Variants in SFSWAP observed in about 807,000 individuals in gnomAD.
SFSWAP encodes the protein splicing factor SWAP, also known as splicing factor, suppressor of white-apricot homolog.
In SFSWAP, 17 loss-of-function variants were observed where a neutral mutation model predicts 100.7. That is an observed-to-expected ratio of 0.17 (90% CI 0.12 to 0.25). SFSWAP has a LOEUF of 0.25. Ranked by LOEUF, SFSWAP falls within the 10% of genes least tolerant of loss-of-function variation. The pLI, the probability that SFSWAP is intolerant of heterozygous loss-of-function variation, is 1.00. For synonymous variants in SFSWAP, 504 were observed against 510.1 expected, an observed-to-expected ratio of 0.99 and a Z score of 0.16; for missense variants, 1,005 against 1,262.6, an observed-to-expected ratio of 0.80 and a Z score of 3.09.
intron 7 of SFSWAP, among the ~76,000 whole-genome samples, chr12:131,747,182 A>C (rs1187650419): frequency 1.3e-5 from 2 of 151,642 alleles, no homozygotes; most frequent in Non-Finnish European, 2.9e-5. Context: ...AGCGATTTGC[A>C]TCATGCTCTG....
intron 11 of SFSWAP, among the ~76,000 whole-genome samples, chr12:131,759,801 CAAAA>C (rs1217940125): frequency 1.2e-5 from 1 of 86,738 alleles, no homozygotes. Context: ...GACTCCGTCT[CAAAA>C]AAAAAAAAAA....
intron 11 of SFSWAP, among the ~76,000 whole-genome samples, chr12:131,761,149 A>G (rs1170422199): frequency 6.6e-6 from 1 of 152,176 alleles, no homozygotes; most frequent in African/African-American, 2.4e-5. Context: ...TCTGCCTGGG[A>G]ATCCACTGAT....
Position 131,751,950 on chromosome 12 carries a change from CATG to C in SFSWAP, c.1082-1172_1082-1170del, listed in dbSNP as rs757251227. Among the ~76,000 whole-genome samples, 8 of 152,312 alleles carry C rather than the reference CATG, an allele frequency of 5.3e-5. 1 individual carries two copies. In the South Asian group the frequency reaches 1.0e-3, roughly 20 times the overall value. On this transcript the variant is annotated intron_variant, in intron 7 of 17. Transcript: ENST00000261674. ...ATTTGGAGTATTACTGTTTCTGTGT[CATG>C]GTGGTTGGTGTGTAACATGGAGCTA...
chr12:131,764,278 A>G (rs536890979), intron 11 of SFSWAP, among the ~76,000 whole-genome samples, 178 bp from the exon 12 acceptor site: 1 of 152,174 alleles, frequency 6.6e-6, no homozygotes, highest in Non-Finnish European at 1.5e-5. Flanking sequence ...CACGCCATGC[A>G]GTGCACATCT....
chr12:131,779,232 T>TGAGCGTGTGTGAAGAGGGCGGCGCGGGG, intron 14 of SFSWAP, among the ~76,000 whole-genome samples: 2 of 149,600 alleles, frequency 1.3e-5, no homozygotes, highest in South Asian at 2.1e-4. Context: ...GCGGCGCGGG[T>TGAGCGTGTGTGAAGAGGGCGGCGCGGGG]GAGCGTGTGT....
intron 11 of SFSWAP, among the ~76,000 whole-genome samples, chr12:131,761,064 TC>T (rs1256038728): frequency 6.6e-6 from 1 of 152,094 alleles, no homozygotes; most frequent in Admixed American, 6.6e-5. Flanking sequence ...AGAGCGAAAC[TC>T]CGTCTCAAAG....
rs1877705685 is a variant in SFSWAP, at chr12:131,714,590, A to G, written c.389-232A>G. 1.9e-6 allele frequency: 1 copy of G among 531,418 alleles called. No individual in the cohort carries two copies. The highest frequency in any genetic ancestry group is 1.9e-5 in the African/African-American group (1 of 52,996). The allele number at this position is 531,418 out of a possible 1,614,324, so 32.9% of individuals were successfully genotyped here. A position where few individuals can be genotyped will look rare whatever the true frequency, so the allele number is the denominator to read the frequency against. On this transcript the variant is annotated intron_variant, in intron 2 of 17. Transcript: ENST00000261674. The surrounding 1 kb of genome is among the most constrained non-coding windows in gnomAD (Gnocchi z 6.0). ...TTCTTAATCCCAAAATTTTCTCAGC[A>G]GGAAGAAATTTTCCACAAAAGACGT... is the stretch of plus-strand genomic sequence containing the variant.
chr12:131,784,602 A>G (rs1884759836), intron 14 of SFSWAP: 4 of 152,140 alleles, frequency 2.6e-5, no homozygotes, highest in Admixed American at 2.6e-4. Context: ...TTTCATCTTT[A>G]AGAAGGCCCC....
At chr12:131,728,698 C>CTTTCTT (rs1326964972) in intron 7 of SFSWAP, among the ~76,000 whole-genome samples, 1 of 150,550 alleles carries the variant, frequency 6.6e-6, no homozygotes, top group Non-Finnish European at 1.5e-5. Context: ...CTCTGCCCTT[C>CTTTCTT]TTTCTTTTTT....
chr12:131,756,249 G>A lies in SFSWAP; in HGVS notation c.1549-224G>A, dbSNP rs139787153. Among the ~76,000 whole-genome samples, 501 of 152,222 alleles carry A rather than the reference G, an allele frequency of 3.3e-3. 4 individuals are homozygous for A. The highest frequency in any genetic ancestry group is 0.011 in the African/African-American group (469 of 41,486). On this transcript the variant is annotated intron_variant, in intron 10 of 17. Transcript: ENST00000261674. ...CAAGGCAGTATTAGGGCTTCAAAGA[G>A]TATAGTGTTTTTTCAGACAGGAGAA...
chr12:131,740,215 T>TA (rs922514785), intron 7 of SFSWAP, among the ~76,000 whole-genome samples: 8 of 152,182 alleles, frequency 5.3e-5, no homozygotes, highest in Non-Finnish European at 1.0e-4. Flanking sequence ...TGCTGCTCTC[T>TA]GAGTTTTTTC....
Position 131,725,560 on chromosome 12 carries a change from G to C in SFSWAP, c.762G>C (p.Lys254Asn). The part of the protein sequence containing the change: ...RFDHYLNPYY[K>N]FIQKAMKEGR... ...ACCACTACCTCAACCCCTACTATAA[G>C]TTCATCCAGAAAGCCATGAAAGAGG... Residue 254 changes from lysine to asparagine, a missense_variant, in exon 5 of 18, where the codon AAG (lysine) becomes AAC (asparagine). Lys to Asn is a moderately conservative substitution (Grantham distance 94). Around this residue, in one of 7 missense-constraint regions of SFSWAP, gnomAD observed 54 missense variants for 51.9 expected, o/e 1.04. Coordinates refer to ENST00000261674, the MANE Select transcript of SFSWAP (RefSeq NM_004592.4). This position sits in a 1 kb window ranked among gnomAD's most constrained non-coding sequence, Gnocchi z 4.3. 2 of 1,614,080 alleles carry C rather than the reference G, an allele frequency of 1.2e-6. No homozygotes were observed. Among genetic ancestry groups the C allele is most frequent in the Non-Finnish European group, 1.7e-6 (2 of 1,180,026 alleles).
Position 131,740,966 on chromosome 12 carries a change from C to CTTTTTTTTTTTTT in SFSWAP, c.1082-12145_1082-12133dup, listed in dbSNP as rs60047663. On this transcript the variant is annotated intron_variant, in intron 7 of 17. Transcript: ENST00000261674. ...TCATTTCTTTTTTTTTCTTTTTTTT[C>CTTTTTTTTTTTTT]TTTTTTTTTTTTTTTTTTTTTTTTG... Among the ~76,000 whole-genome samples, 34 of 70,150 alleles carry CTTTTTTTTTTTTT rather than the reference C, an allele frequency of 4.8e-4. 1 individual carries two copies. The highest frequency in any genetic ancestry group is 6.8e-4 in the South Asian group (1 of 1,468). The allele number at this position is 70,150 out of a possible 152,430, so 46.0% of individuals were successfully genotyped here. A position where few individuals can be genotyped will look rare whatever the true frequency, so the allele number is the denominator to read the frequency against.
At chr12:131,764,012 G>C (rs1033887305) in intron 11 of SFSWAP, among the ~76,000 whole-genome samples, 2 of 152,160 alleles carry the variant, frequency 1.3e-5, no homozygotes, top group Non-Finnish European at 2.9e-5. Context: ...TGTACTCCCA[G>C]CTACTCAGGA....
chr12:131,730,242 C>T lies in SFSWAP; in HGVS notation c.1081+1814C>T, dbSNP rs376261929. The stretch of plus-strand genomic sequence containing the variant: ...AAGCTCCCGCCCTGGAGTCATGGGG[C>T]GCTGTGCTCTGCCCAGGATGCCTGC... On this transcript the variant is annotated intron_variant, in intron 7 of 17. Transcript: ENST00000261674. This position sits in a 1 kb window ranked among gnomAD's most constrained non-coding sequence, Gnocchi z 4.0. Among the ~76,000 whole-genome samples the T allele has an allele frequency of 1.8e-4, 27 of 152,344 alleles. No homozygotes were observed. Among genetic ancestry groups the T allele is most frequent in the African/African-American group, 5.5e-4 (23 of 41,588 alleles).
rs114912724 is a variant in SFSWAP, at chr12:131,731,849, C to T, written c.1081+3421C>T. Reference sequence around the variant, plus strand: ...TTGGCATTTGGTTGATTTTTTTTCTCTGCATACTTTTTTCATTTTCATGAT... The same window carrying T: ...TTGGCATTTGGTTGATTTTTTTTCTTTGCATACTTTTTTCATTTTCATGAT... On this transcript the variant is annotated intron_variant, in intron 7 of 17. Transcript: ENST00000261674. Among the ~76,000 whole-genome samples the T allele has an allele frequency of 9.5e-3, 1,387 of 145,306 alleles. 23 individuals carry two copies. The highest frequency in any genetic ancestry group is 0.033 in the African/African-American group (1,306 of 39,272).
chr12:131,719,584 C>T lies in SFSWAP; in HGVS notation c.606+45C>T, dbSNP rs371785840. The stretch of plus-strand genomic sequence containing the variant: ...ACTAGTTGTCGTCATTATTATTTAT[C>T]ATAATTCACTCCTGCTTGTGGGAAA... On this transcript the variant is annotated intron_variant, in intron 4 of 17. Coordinates refer to ENST00000261674, the MANE Select transcript of SFSWAP (RefSeq NM_004592.4). 1.5e-4 allele frequency: 209 copies of T among 1,398,474 alleles called. No individual in the cohort carries two copies. The African/African-American group carries it at 2.6e-3, about 17-fold the overall frequency. 86.6% of individuals were successfully genotyped at this position (1,398,474 alleles called of 1,614,324 possible).
chr12:131,765,815 T>TCTG (rs3072497), intron 12 of SFSWAP, among the ~76,000 whole-genome samples: 1 of 151,876 alleles, frequency 6.6e-6, no homozygotes, highest in Non-Finnish European at 1.5e-5. Flanking sequence ...ATAAAACACT[T>TCTG]ATAGAGTATT....
chr12:131,777,888 C>T (rs1884152935), intron 13 of SFSWAP, among the ~76,000 whole-genome samples, 177 bp from the exon 14 acceptor site: 1 of 152,168 alleles, frequency 6.6e-6, no homozygotes, highest in African/African-American at 2.4e-5. Flanking sequence ...TTCACTTTCT[C>T]CTTTTGCATC....
Sources: allele counts gnomAD v4.1 joint callset (sites outside exome capture counted in the v4.1 genomes callset), GRCh38; gene constraint gnomAD v4.1.1; regional missense constraint gnomAD v4.1.1; non-coding constraint Gnocchi (gnomAD v3.1); transcripts MANE v1.5; gene names NCBI Gene and HGNC (gene_info 2026-07-23, HGNC 2026-07-21).